The following BMPR1B variants were observed in gnomAD, a reference collection of about 807,000 sequenced individuals.
BMPR1B encodes bone morphogenetic protein receptor type 1B.
Under a neutral mutation model 59.1 loss-of-function variants are expected in BMPR1B, and 12 were observed. That is an observed-to-expected ratio of 0.20 (90% CI 0.13 to 0.33). The LOEUF is 0.33. Among genes scored for constraint, BMPR1B ranks in the 10% least tolerant of loss-of-function variants. The probability of loss-of-function intolerance (pLI) is 1.00; values close to 1 mark genes in which losing one functional copy is unlikely to be tolerated. For synonymous variants in BMPR1B, 237 were observed against 207.3 expected (o/e 1.14, Z -1.23); for missense variants, 550 against 610.9 (o/e 0.90, Z 1.05).
chr4:94,784,589 C>T (rs1560483065), intron 1 of BMPR1B, among the ~76,000 whole-genome samples: 1 of 152,022 alleles, frequency 6.6e-6, no homozygotes, highest in Non-Finnish European at 1.5e-5. Flanking sequence ...TACTCCTGGC[C>T]TCAAGTGATC....
intron 3 of BMPR1B, among the ~76,000 whole-genome samples, chr4:95,102,844 T>C (rs933317967): frequency 6.6e-6 from 1 of 152,074 alleles, no homozygotes. Context: ...TAATCTAGGG[T>C]TTTTCTAAGT....
chr4:94,894,450 G>A (rs1180627069), intron 2 of BMPR1B, among the ~76,000 whole-genome samples: 1 of 151,770 alleles, frequency 6.6e-6, no homozygotes, highest in East Asian at 1.9e-4. Flanking sequence ...GAGAGAGAGA[G>A]AGAGAGAGAG....
intron 2 of BMPR1B, among the ~76,000 whole-genome samples, chr4:94,902,986 G>A (rs776528148): frequency 6.6e-6 from 1 of 152,066 alleles, no homozygotes; most frequent in Non-Finnish European, 1.5e-5. Flanking sequence ...CTTCACCAGT[G>A]TGTAATGCTT....
At chr4:95,015,103 C>G (rs1696222503) in intron 3 of BMPR1B, among the ~76,000 whole-genome samples, 1 of 152,156 alleles carries the variant, frequency 6.6e-6, no homozygotes, top group African/African-American at 2.4e-5. Context: ...CTGACATTTG[C>G]TTCTGTGGTT....
chr4:94,822,134 C>T (rs1724231054), intron 1 of BMPR1B, among the ~76,000 whole-genome samples: 1 of 152,202 alleles, frequency 6.6e-6, no homozygotes, highest in South Asian at 2.1e-4. Context: ...TGTGTCATCT[C>T]ATGGTGGAAG....
At chr4:94,968,438 A>T (rs531336774) in intron 2 of BMPR1B, among the ~76,000 whole-genome samples, 1 of 152,184 alleles carries the variant, frequency 6.6e-6, no homozygotes, top group African/African-American at 2.4e-5. Flanking sequence ...TGAAAATGGT[A>T]TATTGAATTC....
At chr4:95,061,212 A>ACACACACACACACACAC (rs1560624940) in intron 3 of BMPR1B, among the ~76,000 whole-genome samples, 1 of 131,658 alleles carries the variant, frequency 7.6e-6, no homozygotes, top group Non-Finnish European at 1.6e-5. Flanking sequence ...CACACACACC[A>ACACACACACACACACAC]CACACCCCTC....
At chr4:94,969,118 G>A (rs11946305) in intron 2 of BMPR1B, among the ~76,000 whole-genome samples, 1 of 151,520 alleles carries the variant, frequency 6.6e-6, no homozygotes, top group African/African-American at 2.4e-5. Context: ...CACTGCAACC[G>A]CCACCTCCTG....
At chr4:94,951,714 A>G (rs991929787) in intron 2 of BMPR1B, among the ~76,000 whole-genome samples, 2 of 151,954 alleles carry the variant, frequency 1.3e-5, no homozygotes, top group Non-Finnish European at 2.9e-5. Context: ...TTGGCCTGAA[A>G]TTTTCTTTTT....
At chr4:94,923,052 A>G (rs2023833) in intron 2 of BMPR1B, among the ~76,000 whole-genome samples, 36,572 of 151,912 alleles carry the variant, frequency 0.24, 5,295 homozygotes, top group African/African-American at 0.4. Context: ...TCATTGACCT[A>G]TTTTCCACCA....
chr4:94,875,347 C>T (rs1331808911), intron 1 of BMPR1B, among the ~76,000 whole-genome samples: 1 of 152,102 alleles, frequency 6.6e-6, no homozygotes, highest in Non-Finnish European at 1.5e-5. Context: ...TCACAATAAT[C>T]ATGGGAAGAT....
At chr4:94,831,082 A>G (rs1360154036) in intron 1 of BMPR1B, among the ~76,000 whole-genome samples, 1 of 152,164 alleles carries the variant, frequency 6.6e-6, no homozygotes, top group African/African-American at 2.4e-5. Context: ...TTACCATAGG[A>G]GATGACAGCT....
intron 1 of BMPR1B, among the ~76,000 whole-genome samples, chr4:94,761,415 CTGTGTGTGTGTGTGTGTG>C (rs57447983): frequency 4.2e-4 from 60 of 141,284 alleles, no homozygotes; most frequent in South Asian, 1.2e-3. Context: ...CTGTATAATT[CTGTGTGTGTGTGTGTGTG>C]TGTGTGTGTG....
chr4:95,030,063 G>C (rs546969291), intron 3 of BMPR1B, among the ~76,000 whole-genome samples: 1 of 151,454 alleles, frequency 6.6e-6, no homozygotes, highest in East Asian at 1.9e-4. Context: ...CCATTTTGTA[G>C]GTTGCCTGTT....
chr4:94,762,862 T>G (rs1578615310), intron 1 of BMPR1B, among the ~76,000 whole-genome samples: 1 of 152,010 alleles, frequency 6.6e-6, no homozygotes, highest in East Asian at 1.9e-4. Context: ...GTTTTTGTTT[T>G]TTTTTTTTTG....
intron 8 of BMPR1B, among the ~76,000 whole-genome samples, chr4:95,127,854 T>A (rs917865740): frequency 6.6e-6 from 1 of 151,814 alleles, no homozygotes; most frequent in Non-Finnish European, 1.5e-5. Flanking sequence ...TAATATATAA[T>A]GTCCCCCCAA....
At chr4:94,831,385 A>G (rs1368297511) in intron 1 of BMPR1B, among the ~76,000 whole-genome samples, 1 of 152,178 alleles carries the variant, frequency 6.6e-6, no homozygotes. Flanking sequence ...TAAAAAAGTT[A>G]TAGTGAGCTA....
chr4:95,109,384 T>A (rs1022856304), intron 4 of BMPR1B, among the ~76,000 whole-genome samples: 4 of 152,068 alleles, frequency 2.6e-5, no homozygotes, highest in African/African-American at 9.7e-5. Flanking sequence ...AAGGAAAAGC[T>A]TAGGGGCTGG....
intron 2 of BMPR1B, among the ~76,000 whole-genome samples, chr4:94,980,134 C>G (rs1487224014): frequency 1.3e-5 from 2 of 152,166 alleles, no homozygotes; most frequent in African/African-American, 4.8e-5. Context: ...CATCACAGTT[C>G]ACTGCAATTA....
Sources: allele counts gnomAD v4.1 joint callset (sites outside exome capture counted in the v4.1 genomes callset), GRCh38; gene constraint gnomAD v4.1.1; transcripts MANE v1.5; gene names NCBI Gene and HGNC (gene_info 2026-07-23, HGNC 2026-07-21).